Variants in FARP2 observed in about 807,000 individuals in gnomAD.
FARP2 encodes the protein FERM, ARH/RhoGEF and pleckstrin domain protein 2, also known as FERM, ARHGEF and pleckstrin domain-containing protein 2.
A neutral mutation model predicts 130.5 loss-of-function variants in FARP2; 111 were observed. That is an observed-to-expected ratio of 0.85 (90% confidence interval 0.73 to 1.00). FARP2 has a LOEUF of 1.00. Ranked by LOEUF, FARP2 falls within the 50% of genes least tolerant of loss-of-function variation. The pLI, the probability that FARP2 is intolerant of heterozygous loss-of-function variation, is 0.00. For synonymous variants in FARP2, 504 were observed against 516.9 expected (o/e 0.98, Z 0.34); for missense variants, 1,385 against 1,346.3 (o/e 1.03, Z -0.45).
chr2:241,470,603 C>T (rs77509545), intron 18 of FARP2, among the ~76,000 whole-genome samples: 8,316 of 149,240 alleles, frequency 0.056, 291 homozygotes, highest in Middle Eastern at 0.14. Flanking sequence ...AGAGAACCTT[C>T]TTCTGAGGGG....
In FARP2 at chr2:241,494,048, A is replaced by G; in HGVS notation, c.3088A>G (p.Arg1030Gly). ...CCAGGGGGCCAGCAGCTCAGCCGGGAGGGCCCCAAGCATCGTGCAGGATGG... is the reference window on the plus strand; with the variant it reads ...CCAGGGGGCCAGCAGCTCAGCCGGGGGGGCCCCAAGCATCGTGCAGGATGG... ...VIQGASSSAGRAPSIVQDGPQ... is the reference protein window; with the variant it reads ...VIQGASSSAGGAPSIVQDGPQ... Residue 1030 changes from arginine (R) to glycine (G), a missense_variant, in exon 27 of 27, where the codon AGG becomes GGG. Physicochemically the swap from Arg to Gly is moderately radical, Grantham distance 125. Coordinates refer to ENST00000264042, the MANE Select transcript of FARP2 (RefSeq NM_014808.4). The surrounding 1 kb of genome is among the most constrained non-coding windows in gnomAD (Gnocchi z 4.9). The G allele has an allele frequency of 2.8e-6, 4 of 1,421,084 alleles. No individual in the cohort carries two copies. The highest frequency in any genetic ancestry group is 3.7e-6 in the Non-Finnish European group (4 of 1,086,914). The allele number at this position is 1,421,084 out of a possible 1,614,324, so 88.0% of individuals were successfully genotyped here.
chr2:241,478,699 T>C (rs2064537362), intron 19 of FARP2: 8 of 479,500 alleles, frequency 1.7e-5, no homozygotes, highest in Admixed American at 2.3e-5. Flanking sequence ...TAATAAAACT[T>C]GTAAAGGACA....
chr2:241,494,208 A>C lies in FARP2; in HGVS notation c.*83A>C. Reference sequence around the variant, plus strand: ...CCTCTGTCCTGAGGCTTCTCAACAGATGGGAAGTGGCTGTGGTCTCACTGG... The same window carrying C: ...CCTCTGTCCTGAGGCTTCTCAACAGCTGGGAAGTGGCTGTGGTCTCACTGG... On this transcript the variant is annotated 3_prime_UTR_variant, in exon 27 of 27. Transcript: ENST00000264042. The surrounding 1 kb of genome is among the most constrained non-coding windows in gnomAD (Gnocchi z 4.9). 1.2e-6 allele frequency: 1 copy of C among 804,916 alleles called. No individual in the cohort carries two copies. Among genetic ancestry groups the C allele is most frequent in the Non-Finnish European group, 1.9e-6 (1 of 540,282 alleles). The allele number at this position is 804,916 out of a possible 1,614,324, so 49.9% of individuals were successfully genotyped here.
At chr2:241,440,848 C>G (rs906089107) in intron 12 of FARP2, among the ~76,000 whole-genome samples, 20 of 152,026 alleles carry the variant, frequency 1.3e-4, no homozygotes, top group African/African-American at 4.8e-4. Flanking sequence ...TCATTAGGTT[C>G]TGCAAGATGG....
intron 14 of FARP2, among the ~76,000 whole-genome samples, chr2:241,460,245 C>A (rs1380038726): frequency 2.6e-5 from 4 of 152,146 alleles, no homozygotes; most frequent in Non-Finnish European, 5.9e-5. Flanking sequence ...AGCTCTGCCC[C>A]CAGAGAATTC....
At chr2:241,451,835 C>G (rs1474178978) in intron 13 of FARP2, among the ~76,000 whole-genome samples, 1 of 151,806 alleles carries the variant, frequency 6.6e-6, no homozygotes, top group Non-Finnish European at 1.5e-5. Flanking sequence ...GCTCACTGCA[C>G]CCTCCACCTC....
Position 241,494,126 on chromosome 2 carries a change from CGCTCAACCTG to C in FARP2, c.*2_*11del. 6.8e-7 allele frequency: 1 copy of C among 1,467,140 alleles called. No individual in the cohort carries two copies. The allele number at this position is 1,467,140 out of a possible 1,614,324, so 90.9% of individuals were successfully genotyped here. On this transcript the variant is annotated 3_prime_UTR_variant, in exon 27 of 27. Coordinates refer to ENST00000264042, the MANE Select transcript of FARP2 (RefSeq NM_014808.4). This position sits in a 1 kb window ranked among gnomAD's most constrained non-coding sequence, Gnocchi z 4.9. ...GATGGTCAGGGGGAAGGAGGAATGA[CGCTCAACCTG>C]CCCAGGTTTGGACACAACTACAAAG...
chr2:241,421,596 C>T (rs1412688208), intron 8 of FARP2, among the ~76,000 whole-genome samples: 2 of 152,204 alleles, frequency 1.3e-5, no homozygotes, highest in African/African-American at 4.8e-5. Flanking sequence ...ATGCAGCATA[C>T]GTACTCTGCA....
chr2:241,472,661 T>C (rs1237346796), intron 18 of FARP2, among the ~76,000 whole-genome samples: 2 of 151,322 alleles, frequency 1.3e-5, no homozygotes, highest in Non-Finnish European at 2.9e-5. Context: ...CTGAAGGTGA[T>C]GCTGTTTTGA....
rs1015555461 is a variant in FARP2, at chr2:241,356,286, G to C, written c.-127G>C. 1 of 152,604 alleles carries C rather than the reference G, an allele frequency of 6.6e-6. No homozygotes were observed. The highest frequency in any genetic ancestry group is 2.4e-5 in the African/African-American group (1 of 41,544). The allele number at this position is 152,604 out of a possible 1,614,324, so 9.5% of individuals were successfully genotyped here. ...GCTGCGCGGGGGCTGCCGGCGGGCA[G>C]TTGGGAGCAGGCGACGCCGACGCGA... On this transcript the variant is annotated 5_prime_UTR_variant, in exon 1 of 27. Coordinates refer to ENST00000264042, the MANE Select transcript of FARP2 (RefSeq NM_014808.4).
Position 241,456,843 on chromosome 2 carries a change from A to T in FARP2, c.1508A>T (p.Gln503Leu). The T allele has an allele frequency of 6.2e-7, 1 of 1,613,994 alleles. No individual in the cohort carries two copies. The highest frequency in any genetic ancestry group is 1.7e-5 in the Admixed American group (1 of 60,010). ...CAGGTGCCTTTGGGCCCAGCTGAACAGGGCTCATCCCCACTCCTGAGCCCT... is the reference window on the plus strand; with the variant it reads ...CAGGTGCCTTTGGGCCCAGCTGAACTGGGCTCATCCCCACTCCTGAGCCCT... Reference protein sequence around the residue: ...AFQVPLGPAEQGSSPLLSPVL... With the variant: ...AFQVPLGPAELGSSPLLSPVL... Residue 503 changes from glutamine to leucine, a missense_variant, in exon 14 of 27, where the codon CAG (glutamine) becomes CTG (leucine). Coordinates refer to ENST00000264042, the MANE Select transcript of FARP2 (RefSeq NM_014808.4).
At chr2:241,456,447 C>T (rs2063839029) in intron 13 of FARP2, 1 of 298,398 alleles carries the variant, frequency 3.4e-6, no homozygotes, top group Non-Finnish European at 6.2e-6. Flanking sequence ...TTCTGCAGAG[C>T]CCAAAAGAAG....
chr2:241,358,534 C>T (rs1452077609), intron 1 of FARP2, among the ~76,000 whole-genome samples: 1 of 152,232 alleles, frequency 6.6e-6, no homozygotes, highest in East Asian at 1.9e-4. Context: ...AATACCTCTT[C>T]TATATTCGGA....
At chr2:241,381,651 T>G (rs1383248804) in intron 2 of FARP2, among the ~76,000 whole-genome samples, 1 of 152,226 alleles carries the variant, frequency 6.6e-6, no homozygotes, top group East Asian at 1.9e-4. Context: ...ATTGTTCCTT[T>G]TTAGGTATAG....
intron 9 of FARP2, 144 bp from the exon 10 acceptor site, chr2:241,434,012 GGC>G: frequency 1.6e-6 from 1 of 624,728 alleles, no homozygotes; most frequent in Non-Finnish European, 2.7e-6. Flanking sequence ...CTCCAGCCTG[GGC>G]ACAGAGCAAG....
intron 2 of FARP2, among the ~76,000 whole-genome samples, chr2:241,378,610 C>T (rs1200513725): frequency 2.0e-5 from 3 of 151,684 alleles, no homozygotes; most frequent in African/African-American, 7.3e-5. Context: ...TGGGGTCTCC[C>T]CACATTACCC....
chr2:241,462,416 T>A (rs1410944836), intron 14 of FARP2, 107 bp from the exon 15 acceptor site: 1 of 716,462 alleles, frequency 1.4e-6, no homozygotes, highest in African/African-American at 1.8e-5. Flanking sequence ...CCCATGACGA[T>A]GTTACCTTGA....
intron 13 of FARP2, chr2:241,446,663 T>A (rs1366948476): frequency 6.6e-6 from 1 of 152,234 alleles, no homozygotes; most frequent in African/African-American, 2.4e-5. Context: ...AAAAATTCAT[T>A]GCTGGAAAAA....
intron 19 of FARP2, 55 bp downstream of exon 19, chr2:241,476,042 G>T: frequency 2.6e-6 from 4 of 1,544,908 alleles, no homozygotes; most frequent in South Asian, 1.2e-5. Context: ...TTTCAATTGA[G>T]ATATAATTTA....
Sources: gnomAD v4.1 joint callset for allele counts (sites outside exome capture counted in the v4.1 genomes callset) on GRCh38, gnomAD v4.1.1 for gene constraint, Gnocchi (gnomAD v3.1) non-coding constraint, MANE v1.5 for transcripts, NCBI Gene and HGNC (gene_info 2026-07-23, HGNC 2026-07-21) for gene names.